Variants in KHDRBS2 observed in about 807,000 individuals in gnomAD.
KHDRBS2 encodes KH domain-containing, RNA-binding, signal transduction-associated protein 2.
In KHDRBS2, 26 loss-of-function variants were observed where a neutral mutation model predicts 44.3. The ratio of observed to expected loss-of-function variants is 0.59; its 90% confidence interval spans 0.43 to 0.81. The LOEUF is 0.81. KHDRBS2 is among the 40% of genes least tolerant of loss of function. The pLI is 0.00. For synonymous variants in KHDRBS2, 194 were observed against 151.1 expected (o/e 1.28, Z -2.08); for missense variants, 476 against 433.1 (o/e 1.10, Z -0.88).
chr6:61,987,072 G>T (rs1466358688), intron 3 of KHDRBS2, among the ~76,000 whole-genome samples: 1 of 152,122 alleles, frequency 6.6e-6, no homozygotes, highest in Non-Finnish European at 1.5e-5. Flanking sequence ...TAACAGTACA[G>T]TTTCTATTTC....
At chr6:62,072,665 C>A (rs1395023098) in intron 2 of KHDRBS2, among the ~76,000 whole-genome samples, 2 of 152,184 alleles carry the variant, frequency 1.3e-5, no homozygotes, top group South Asian at 2.1e-4. Context: ...ATATGTTGAA[C>A]CAGACTTGCA....
rs116192781 is a variant in KHDRBS2, at chr6:62,201,868, G to A, written c.92-24556C>T. ...CAATGTTTACACAATTCAAAGTTAC[G>A]CACGTTCGTAAGATTAAAGACATAA... On this transcript the variant is annotated intron_variant, in intron 1 of 8. Coordinates refer to ENST00000281156, the MANE Select transcript of KHDRBS2 (RefSeq NM_152688.4). Among the ~76,000 whole-genome samples the A allele has an allele frequency of 8.0e-3, 1,213 of 151,824 alleles. 16 individuals carry two copies. Among genetic ancestry groups the A allele is most frequent in the African/African-American group, 0.028 (1,148 of 41,426 alleles).
intron 6 of KHDRBS2, among the ~76,000 whole-genome samples, chr6:61,845,628 C>T (rs1193465104): frequency 6.6e-6 from 1 of 152,162 alleles, no homozygotes; most frequent in Non-Finnish European, 1.5e-5. Context: ...TACAGTTCTT[C>T]ATGTCACCTT....
At chr6:62,272,167 G>C (rs1249960129) in intron 1 of KHDRBS2, among the ~76,000 whole-genome samples, 1 of 152,102 alleles carries the variant, frequency 6.6e-6, no homozygotes, top group African/African-American at 2.4e-5. Context: ...ACAGTAACAT[G>C]CTGTACAGCT....
At chr6:62,113,058 T>G (rs1805386029) in intron 2 of KHDRBS2, among the ~76,000 whole-genome samples, 1 of 152,122 alleles carries the variant, frequency 6.6e-6, no homozygotes, top group South Asian at 2.1e-4. Flanking sequence ...TGTTATTTGG[T>G]TAAAGCCAAT....
At chr6:62,073,753 G>A (rs1795773075) in intron 2 of KHDRBS2, among the ~76,000 whole-genome samples, 1 of 151,322 alleles carries the variant, frequency 6.6e-6, no homozygotes, top group Non-Finnish European at 1.5e-5. Flanking sequence ...ATTTCTGATT[G>A]CTATCCCATG....
intron 1 of KHDRBS2, among the ~76,000 whole-genome samples, chr6:62,198,393 A>T (rs1826143807): frequency 1.3e-5 from 2 of 152,180 alleles, no homozygotes; most frequent in South Asian, 2.1e-4. Context: ...ATAAAAAATG[A>T]TAAAGAGGAT....
intron 1 of KHDRBS2, among the ~76,000 whole-genome samples, chr6:62,285,062 G>C (rs780692876): frequency 6.6e-6 from 1 of 152,132 alleles, no homozygotes; most frequent in Non-Finnish European, 1.5e-5. Flanking sequence ...TTAGTATTTA[G>C]ATGGCATTAT....
At chr6:62,276,907 G>C (rs1299050096) in intron 1 of KHDRBS2, among the ~76,000 whole-genome samples, 1 of 152,142 alleles carries the variant, frequency 6.6e-6, no homozygotes, top group East Asian at 1.9e-4. Context: ...TCTTTGCTGT[G>C]AGACCTGATA....
At chr6:61,930,523 TAAAAAAAAAAAAAAAAAAAAAAGAAAA>T (rs1304240972) in intron 4 of KHDRBS2, among the ~76,000 whole-genome samples, 61 of 39,250 alleles carry the variant, frequency 1.6e-3, no homozygotes, top group African/African-American at 6.5e-3. Context: ...ATACCGCCCC[TAAAAAAAAAAAAAAAAAAAAAAGAAAA>T]AAAAAAAAAA....
chr6:61,872,829 T>C (rs1351059481), intron 6 of KHDRBS2, among the ~76,000 whole-genome samples: 4 of 152,118 alleles, frequency 2.6e-5, no homozygotes, highest in Non-Finnish European at 5.9e-5. Context: ...TGGTGTTATA[T>C]TGGCTTATAG....
chr6:61,714,738 A>T (rs896432018), intron 7 of KHDRBS2, among the ~76,000 whole-genome samples: 12 of 151,854 alleles, frequency 7.9e-5, no homozygotes, highest in African/African-American at 2.9e-4. Flanking sequence ...GAAATCATGT[A>T]TTTTGCAACA....
intron 6 of KHDRBS2, among the ~76,000 whole-genome samples, chr6:61,882,093 T>C (rs1424955600): frequency 6.6e-6 from 1 of 152,046 alleles, no homozygotes; most frequent in Non-Finnish European, 1.5e-5. Flanking sequence ...TTGTTCTCTT[T>C]GATACACAAT....
At chr6:62,241,953 A>G (rs1444443155) in intron 1 of KHDRBS2, among the ~76,000 whole-genome samples, 5 of 152,158 alleles carry the variant, frequency 3.3e-5, no homozygotes, top group African/African-American at 7.2e-5. Context: ...CCAAATGTCA[A>G]CTTGTAGCAT....
At chr6:62,262,547 A>G (rs569647113) in intron 1 of KHDRBS2, among the ~76,000 whole-genome samples, 6 of 151,810 alleles carry the variant, frequency 4.0e-5, no homozygotes, top group African/African-American at 7.2e-5. Flanking sequence ...TGGAACACTA[A>G]AAGAGATTTC....
chr6:62,050,639 A>G (rs1268919731), intron 2 of KHDRBS2, among the ~76,000 whole-genome samples: 2 of 151,936 alleles, frequency 1.3e-5, no homozygotes, highest in African/African-American at 4.8e-5. Flanking sequence ...AAACTAAAGG[A>G]AAACTCATGG....
In KHDRBS2 at chr6:61,920,952, T is replaced by G. The variant is rs182938388; in HGVS notation, c.484-19581A>C. Among the ~76,000 whole-genome samples the G allele has an allele frequency of 3.4e-4, 51 of 152,024 alleles. 1 individual carries two copies. The East Asian group carries it at 9.9e-3, about 29-fold the overall frequency. ...AAAATTAATAAAATGGCAACGTAAG[T>G]GAAAATAGCTATTCAGGGAAAGGAG... On this transcript the variant is annotated intron_variant, in intron 4 of 8. Coordinates refer to ENST00000281156, the MANE Select transcript of KHDRBS2 (RefSeq NM_152688.4).
At chr6:61,901,424 A>T in intron 4 of KHDRBS2, 53 bp from the exon 5 acceptor site, 4 of 1,354,210 alleles carry the variant, frequency 3.0e-6, no homozygotes, top group Non-Finnish European at 4.0e-6. Context: ...CCGTTCTCAG[A>T]GTTGGAAAAA....
intron 6 of KHDRBS2, among the ~76,000 whole-genome samples, chr6:61,756,036 T>C (rs1372335795): frequency 1.3e-5 from 2 of 151,696 alleles, no homozygotes; most frequent in Non-Finnish European, 3.0e-5. Context: ...GAGTGACATA[T>C]AATATTATTG....
Sources: allele counts gnomAD v4.1 joint callset (sites outside exome capture counted in the v4.1 genomes callset), GRCh38; gene constraint gnomAD v4.1.1; transcripts MANE v1.5; gene names NCBI Gene and HGNC (gene_info 2026-07-23, HGNC 2026-07-21).